The following EPB41L3 variants were observed in gnomAD, a reference collection of about 807,000 sequenced individuals.
The protein encoded by EPB41L3 is erythrocyte membrane protein band 4.1 like 3.
In EPB41L3, 57 loss-of-function variants were observed where a neutral mutation model predicts 127.1. The ratio of observed to expected loss-of-function variants is 0.45; its 90% CI spans 0.36 to 0.56. The LOEUF is 0.56. Ranked by LOEUF, EPB41L3 falls within the 20% of genes least tolerant of loss-of-function variation. The pLI is 0.00. For missense variants in EPB41L3, 1,273 were observed against 1,372.2 expected, an observed-to-expected ratio of 0.93 and a Z score of 1.14; for synonymous variants, 572 against 549.5, an observed-to-expected ratio of 1.04 and a Z score of -0.57.
chr18:5,629,415 C>CCACACACACACACACACACACACA (rs61034629), upstream of EPB41L3, among the ~76,000 whole-genome samples: 2 of 143,756 alleles, frequency 1.4e-5, no homozygotes, highest in East Asian at 4.3e-4. Context: ...TCCTTACACA[C>CCACACACACACACACACACACACA]CACACACACA....
intron 3 of EPB41L3, among the ~76,000 whole-genome samples, chr18:5,552,781 A>G (rs2093983750): frequency 6.6e-6 from 1 of 152,192 alleles, no homozygotes; most frequent in Admixed American, 6.5e-5. Flanking sequence ...CTTATTTTCA[A>G]AAGAGGTCAA....
chr18:5,624,738 A>C (rs2094903367), intron 1 of EPB41L3, among the ~76,000 whole-genome samples: 2 of 152,210 alleles, frequency 1.3e-5, no homozygotes, highest in South Asian at 4.1e-4. Context: ...CACTCCGGAC[A>C]AAACTTACTG....
At chr18:5,530,539 A>T (rs1463931177) in intron 1 of EPB41L3, among the ~76,000 whole-genome samples, 1 of 152,040 alleles carries the variant, frequency 6.6e-6, no homozygotes, top group African/African-American at 2.4e-5. Flanking sequence ...AGCTGCCCCT[A>T]AGACTCATCT....
intron 3 of EPB41L3, among the ~76,000 whole-genome samples, chr18:5,561,132 T>C (rs1719989): frequency 0.71 from 101,757 of 144,122 alleles, 38,855 homozygotes; most frequent in South Asian, 0.86. Context: ...CGCCCGCCAC[T>C]ACGCCCGGCT....
chr18:5,511,391 G>GTTT (rs1190047630), intron 1 of EPB41L3, among the ~76,000 whole-genome samples: 775 of 59,880 alleles, frequency 0.013, 22 homozygotes, highest in African/African-American at 0.018. Context: ...AGGTATTTTG[G>GTTT]TTTTTTTTTT....
At chr18:5,559,912 C>A (rs2094099825) in intron 3 of EPB41L3, among the ~76,000 whole-genome samples, 1 of 152,166 alleles carries the variant, frequency 6.6e-6, no homozygotes, top group East Asian at 1.9e-4. Context: ...ACCTTGGTTA[C>A]TACATTTAAA....
chr18:5,531,731 C>CA (rs57625472), intron 1 of EPB41L3, among the ~76,000 whole-genome samples: 2,755 of 67,438 alleles, frequency 0.041, 57 homozygotes, highest in South Asian at 0.083. Flanking sequence ...GACCCTGTCT[C>CA]AAAAAAAAAA....
Position 5,397,140 on chromosome 18 carries a change from G to A in EPB41L3, c.2759C>T (p.Ala920Val), listed in dbSNP as rs372185496. Residue 920 changes from alanine (A) to valine (V), a missense_variant, in exon 18 of 23, where the codon GCC (alanine) becomes GTC (valine). This residue lies in a region of EPB41L3 where 765 missense variants were observed against 782.9 expected (regional missense o/e 0.98). Transcript: ENST00000341928. The surrounding 1 kb of genome is among the most constrained non-coding windows in gnomAD (Gnocchi z 4.1). ...AKAVLEQEETAAASRERQEEQ... is the reference protein window; with the variant it reads ...AKAVLEQEETVAASRERQEEQ... ...CTCTTGTCGCTCACGGGAAGCAGCG[G>A]CTGTCTCTTCCTGTTCCAGGACAGC... 3.0e-5 allele frequency: 48 copies of A among 1,614,048 alleles called. No homozygotes were observed. In the Admixed American group the frequency reaches 3.3e-4, roughly 11 times the overall value.
Position 5,433,482 on chromosome 18 carries a change from A to G in EPB41L3, c.899T>C (p.Leu300Ser). 6.2e-7 allele frequency: 1 copy of G among 1,612,462 alleles called. No individual in the cohort carries two copies. The highest frequency in any genetic ancestry group is 8.5e-7 in the Non-Finnish European group (1 of 1,178,826). Reference protein sequence around the residue: ...AKKLSMYGVDLHHAKDSEGVE... With the variant: ...AKKLSMYGVDSHHAKDSEGVE... ...AAAGATGCATACCTTAGCATGATGT[A>G]AATCTACCCCATACATTGATAATTT... Residue 300 changes from leucine (L) to serine (S), a missense_variant, in exon 8 of 23, where the codon TTA (leucine) becomes TCA (serine). By Grantham distance (145) the Leu-to-Ser change is moderately radical. Around this residue, in one of 3 missense-constraint regions of EPB41L3, gnomAD observed 326 missense variants for 440.2 expected, o/e 0.74. Transcript: ENST00000341928.
At chr18:5,525,960 A>G (rs987089444) in intron 1 of EPB41L3, among the ~76,000 whole-genome samples, 5 of 152,206 alleles carry the variant, frequency 3.3e-5, no homozygotes, top group African/African-American at 1.2e-4. Context: ...TGATGCTGGT[A>G]TTTCTACTGA....
intron 3 of EPB41L3, among the ~76,000 whole-genome samples, chr18:5,551,445 C>T (rs1166091304): frequency 1.3e-5 from 2 of 152,166 alleles, no homozygotes; most frequent in African/African-American, 4.8e-5. Flanking sequence ...CCGCTGAAGG[C>T]TGGGCACGGT....
At chr18:5,618,087 T>A (rs992845951) in intron 1 of EPB41L3, among the ~76,000 whole-genome samples, 1 of 152,210 alleles carries the variant, frequency 6.6e-6, no homozygotes, top group Non-Finnish European at 1.5e-5. Context: ...ATTTTTAATC[T>A]CTTCTCTCCG....
chr18:5,515,254 T>C (rs1048571848), intron 1 of EPB41L3, among the ~76,000 whole-genome samples: 2 of 152,220 alleles, frequency 1.3e-5, no homozygotes, highest in African/African-American at 4.8e-5. Flanking sequence ...GGGGTGCTAC[T>C]GAGAGTTTTT....
At chr18:5,457,189 C>T (rs1021146197) in intron 3 of EPB41L3, among the ~76,000 whole-genome samples, 7 of 73,924 alleles carry the variant, frequency 9.5e-5, no homozygotes, top group Admixed American at 6.8e-4. Context: ...ACAACTCTAC[C>T]GTTCTTTTAT....
chr18:5,442,592 A>T lies in EPB41L3; in HGVS notation c.529+1246T>A, dbSNP rs537264941. On this transcript the variant is annotated intron_variant, in intron 5 of 22. Transcript: ENST00000341928. ...TTGCTCTTTTAATAGTAAACTGTTG[A>T]AAAGTTTTACTTATTGAAATGGGAA... 6.6e-5 allele frequency among the ~76,000 whole-genome samples: 10 copies of T among 152,356 alleles called. No individual in the cohort carries two copies. The South Asian group carries it at 1.7e-3, about 25-fold the overall frequency.
intron 3 of EPB41L3, among the ~76,000 whole-genome samples, chr18:5,453,277 C>T (rs2082546005): frequency 6.6e-6 from 1 of 152,104 alleles, no homozygotes; most frequent in African/African-American, 2.4e-5. Flanking sequence ...GTCTTTTAGC[C>T]TTGGAAGACA....
chr18:5,549,728 AGG>A (rs2093937495), intron 3 of EPB41L3, among the ~76,000 whole-genome samples: 1 of 152,182 alleles, frequency 6.6e-6, no homozygotes. Context: ...CAAGTTCCCC[AGG>A]TGATTATAAA....
chr18:5,443,676 T>C (rs1476420246), intron 5 of EPB41L3, among the ~76,000 whole-genome samples, 162 bp downstream of exon 5: 2 of 152,150 alleles, frequency 1.3e-5, no homozygotes, highest in Non-Finnish European at 2.9e-5. Context: ...TAACTCCAAG[T>C]TGTGACAACT....
At chr18:5,535,841 A>T (rs77466196) in intron 1 of EPB41L3, among the ~76,000 whole-genome samples, 1 of 152,350 alleles carries the variant, frequency 6.6e-6, no homozygotes, top group East Asian at 1.9e-4. Context: ...ATGGAATATG[A>T]CATTTGTTAC....
Sources: allele counts gnomAD v4.1 joint callset (sites outside exome capture counted in the v4.1 genomes callset), GRCh38; gene constraint gnomAD v4.1.1; regional missense constraint gnomAD v4.1.1; non-coding constraint Gnocchi (gnomAD v3.1); transcripts MANE v1.5; gene names NCBI Gene and HGNC (gene_info 2026-07-23, HGNC 2026-07-21).